Variants in MDM1 observed in about 807,000 individuals in gnomAD.
The protein encoded by MDM1 is stabilizer of axonemal microtubules 6, also known as Mdm1 nuclear protein.
A neutral mutation model predicts 89.1 loss-of-function variants in MDM1; 61 were observed. The ratio of observed to expected loss-of-function variants is 0.68; its 90% CI spans 0.56 to 0.85. MDM1 has a LOEUF of 0.85. Among genes scored for constraint, MDM1 ranks in the 40% least tolerant of loss-of-function variants. The pLI, the probability that MDM1 is intolerant of heterozygous loss-of-function variation, is 0.00. For synonymous variants in MDM1, 290 were observed against 294.1 expected (o/e 0.99, Z 0.14); for missense variants, 820 against 846.5 (o/e 0.97, Z 0.39).
chr12:68,299,463 T>C (rs560550737), intron 13 of MDM1, among the ~76,000 whole-genome samples: 80 of 151,858 alleles, frequency 5.3e-4, no homozygotes, highest in Non-Finnish European at 9.9e-4. Flanking sequence ...TCAGAACATC[T>C]GGAAATAAAA....
chr12:68,314,871 C>T (rs544391025), intron 10 of MDM1, 77 bp downstream of exon 10: 2 of 1,235,992 alleles, frequency 1.6e-6, no homozygotes. Context: ...AAAGAGTAAA[C>T]CACTATATTT....
intron 8 of MDM1, 144 bp from the exon 9 acceptor site, chr12:68,316,397 C>T: frequency 9.9e-7 from 1 of 1,010,380 alleles, no homozygotes; most frequent in South Asian, 1.7e-5. Flanking sequence ...AGTCATCAGA[C>T]TGTGCATTTA....
chr12:68,329,725 C>CA (rs1439624148), intron 2 of MDM1, among the ~76,000 whole-genome samples: 1 of 152,148 alleles, frequency 6.6e-6, no homozygotes, highest in East Asian at 1.9e-4. Context: ...GCCCTACTCT[C>CA]AGAGATCTAA....
chr12:68,326,702 T>C lies in MDM1; in HGVS notation c.453A>G (p.Glu151=). Residue 151 remains glutamate (E), a synonymous_variant, in exon 3 of 15, where the codon GAA becomes GAG. Transcript: ENST00000682720. ...AAAGAACCTTGGTAGAATGTTCCAGTTCCACATTTTCATTAACTGGTGTAT... is the reference window on the plus strand; with the variant it reads ...AAAGAACCTTGGTAGAATGTTCCAGCTCCACATTTTCATTAACTGGTGTAT... ...TNHTPVNENV[E]LEHSTKVLSE... 1.2e-6 allele frequency: 2 copies of C among 1,614,208 alleles called. No individual in the cohort carries two copies. The highest frequency in any genetic ancestry group is 1.1e-5 in the South Asian group (1 of 91,082).
At position 68,320,719 on chromosome 12, in the gene MDM1, A is replaced by T. The variant is rs1233546537; in HGVS notation, c.1005+628T>A. Among the ~76,000 whole-genome samples the T allele has an allele frequency of 2.0e-5, 3 of 152,392 alleles. No individual in the cohort carries two copies. In the East Asian group the frequency reaches 5.8e-4, roughly 29 times the overall value. The stretch of plus-strand genomic sequence containing the variant: ...TGTTCTCACAGAAAAGGCAAAAAAA[A>T]GTCAAGATATGATTTGAAAGATGCT... On this transcript the variant is annotated intron_variant, in intron 7 of 14. Transcript: ENST00000682720.
In MDM1 at chr12:68,323,178, A is replaced by C. The variant is rs1322844260; in HGVS notation, c.696T>G (p.Thr232=). ...AACCCTTGAAATTTCTTTTGTATTC[A>C]GTTTCATGGATGACTGAGTTACCTT... is the stretch of plus-strand genomic sequence containing the variant. ...PFKGNSVIHE[T]EYKRNFKGLS... Residue 232 remains threonine, a synonymous_variant, in exon 5 of 15, where the codon ACT becomes ACG. Coordinates refer to ENST00000682720, the MANE Select transcript of MDM1 (RefSeq NM_001354969.2). 6.2e-7 allele frequency: 1 copy of C among 1,610,034 alleles called. No individual in the cohort carries two copies. The highest frequency in any genetic ancestry group is 8.5e-7 in the Non-Finnish European group (1 of 1,178,812).
chr12:68,322,671 T>C (rs1369487790), intron 5 of MDM1, among the ~76,000 whole-genome samples: 4 of 152,160 alleles, frequency 2.6e-5, no homozygotes, highest in African/African-American at 9.7e-5. Flanking sequence ...TATAAGTATG[T>C]ATGTGTTTAA....
At position 68,295,383 on chromosome 12, in the gene MDM1, C is replaced by A; in HGVS notation, c.2063-17G>T. The A allele has an allele frequency of 6.6e-7, 1 of 1,524,344 alleles. No homozygotes were observed. Among genetic ancestry groups the A allele is most frequent in the African/African-American group, 1.4e-5 (1 of 72,610 alleles). The allele number at this position is 1,524,344 out of a possible 1,614,324, so 94.4% of individuals were successfully genotyped here. A position where few individuals can be genotyped will look rare whatever the true frequency, so the allele number is the denominator to read the frequency against. The stretch of plus-strand genomic sequence containing the variant: ...TGTCCTCATCTGCAATGAAAAAATC[C>A]CGAGATTATATTCATTGCCAAAAAT... On this transcript the variant is annotated splice_polypyrimidine_tract_variant and intron_variant, in intron 14 of 14. Transcript: ENST00000682720.
At chr12:68,319,209 A>G (rs987760270) in intron 7 of MDM1, among the ~76,000 whole-genome samples, 14 of 152,242 alleles carry the variant, frequency 9.2e-5, no homozygotes, top group African/African-American at 3.4e-4. Context: ...TTAAAAAGCA[A>G]TAGTCAAGTG....
rs776888394 is a variant in MDM1, at chr12:68,331,146, G to A, written c.94C>T (p.Arg32Ter). ...CTAAGTCCAGCCCATGGGTACTTTC[G>A]CCCCACGGAGGAATTACAAGACTCG... ...LSESCNSSVGRKYPWAGLRSD... is the reference protein window; with the variant it reads ...LSESCNSSVG The change falls in exon 2 of 15, where the codon CGA (arginine) becomes TGA (stop). Residue 32 changes from arginine (R) to a stop codon, truncating the protein, a stop_gained. Coordinates refer to ENST00000682720, the MANE Select transcript of MDM1 (RefSeq NM_001354969.2). LOFTEE classifies it high-confidence loss of function. 3.6e-5 allele frequency: 58 copies of A among 1,610,674 alleles called. No individual in the cohort carries two copies. Among genetic ancestry groups the A allele is most frequent in the Non-Finnish European group, 4.7e-5 (55 of 1,177,014 alleles).
chr12:68,315,432 CAAAATAAATGA>C (rs1174777355), intron 9 of MDM1, among the ~76,000 whole-genome samples, 167 bp from the exon 10 acceptor site: 1 of 152,120 alleles, frequency 6.6e-6, no homozygotes, highest in Non-Finnish European at 1.5e-5. Flanking sequence ...CGTTTTATAG[CAAAATAAATGA>C]AAGTCATAAT....
At chr12:68,327,632 G>T in intron 2 of MDM1, 1 of 919,098 alleles carries the variant, frequency 1.1e-6, no homozygotes, top group Non-Finnish European at 1.7e-6. Flanking sequence ...CAGCTCTGCA[G>T]AATGACAGCC....
At chr12:68,299,113 G>A in intron 13 of MDM1, among the ~76,000 whole-genome samples, 1 of 151,090 alleles carries the variant, frequency 6.6e-6, no homozygotes, top group Non-Finnish European at 1.5e-5. Flanking sequence ...TCTTAAGAGG[G>A]GAAAAAAATT....
intron 5 of MDM1, 141 bp from the exon 6 acceptor site, chr12:68,321,769 A>G: frequency 3.8e-6 from 2 of 521,106 alleles, no homozygotes; most frequent in Non-Finnish European, 6.5e-6. Flanking sequence ...AATAAAAACC[A>G]TAAGAAATCA....
chr12:68,326,586 A>G (rs1346484583), intron 3 of MDM1, 71 bp downstream of exon 3: 5 of 1,613,836 alleles, frequency 3.1e-6, no homozygotes, highest in Non-Finnish European at 4.2e-6. Flanking sequence ...AAAATGTAAT[A>G]TTACAGAAAT....
chr12:68,331,923 G>A (rs1333548962), intron 1 of MDM1: 2 of 665,526 alleles, frequency 3.0e-6, no homozygotes, highest in Admixed American at 4.1e-5. Flanking sequence ...ATCTGAAGTC[G>A]CCTTTAGTTC....
intron 12 of MDM1, among the ~76,000 whole-genome samples, chr12:68,304,629 C>T (rs184661140): frequency 1.4e-4 from 22 of 151,948 alleles, no homozygotes; most frequent in Middle Eastern, 6.8e-3. Context: ...AATTTGTGAT[C>T]TCTGTAAAAC....
chr12:68,306,376 G>C (rs1308090781), intron 12 of MDM1, among the ~76,000 whole-genome samples: 1 of 152,058 alleles, frequency 6.6e-6, no homozygotes, highest in Non-Finnish European at 1.5e-5. Flanking sequence ...TTATGACTAA[G>C]TACTCAAAAA....
At chr12:68,321,290 A>C in intron 7 of MDM1, 57 bp downstream of exon 7, 1 of 1,337,668 alleles carries the variant, frequency 7.5e-7, no homozygotes. Context: ...TTGTGAAATT[A>C]AAGTGTTAAC....
Sources: gnomAD v4.1 joint callset for allele counts (sites outside exome capture counted in the v4.1 genomes callset) on GRCh38, gnomAD v4.1.1 for gene constraint, MANE v1.5 for transcripts, NCBI Gene and HGNC (gene_info 2026-07-23, HGNC 2026-07-21) for gene names.